Variants in TEX14 observed in about 807,000 individuals in gnomAD.
TEX14 encodes inactive serine/threonine-protein kinase TEX14.
A neutral mutation model predicts 178.6 loss-of-function variants in TEX14; 168 were observed. That is an observed-to-expected ratio of 0.94 (90% CI 0.83 to 1.07). The LOEUF (loss-of-function observed/expected upper bound fraction) is 1.07. TEX14 is among the 50% of genes least tolerant of loss of function. The pLI, the probability that TEX14 is intolerant of heterozygous loss-of-function variation, is 0.00. For synonymous variants in TEX14, 626 were observed against 634.1 expected (o/e 0.99, Z 0.19); for missense variants, 1,730 against 1,753.6 (o/e 0.99, Z 0.24).
At chr17:58,599,753 T>A (rs2045383048) in intron 13 of TEX14, 87 bp from the exon 14 acceptor site, 5 of 1,047,958 alleles carry the variant, frequency 4.8e-6, no homozygotes, top group African/African-American at 1.6e-5. Flanking sequence ...AGGCAAAGAC[T>A]GTCAAAAAAA....
chr17:58,563,624 TATATATATATATATA>T (rs2044317875), intron 28 of TEX14, among the ~76,000 whole-genome samples: 1 of 3,206 alleles, frequency 3.1e-4, no homozygotes, highest in African/African-American at 1.6e-3. Flanking sequence ...CTCTAATTTA[TATATATATATATATA>T]TATATATATA....
At chr17:58,649,246 A>G (rs2046789370) in intron 2 of TEX14, among the ~76,000 whole-genome samples, 1 of 151,334 alleles carries the variant, frequency 6.6e-6, no homozygotes, top group Non-Finnish European at 1.5e-5. Flanking sequence ...CGCCCAGCTA[A>G]TTTTTATATT....
Position 58,561,537 on chromosome 17 carries a change from A to G in TEX14, c.4140T>C (p.Leu1380=). 1.2e-6 allele frequency: 2 copies of G among 1,613,146 alleles called. No individual in the cohort carries two copies. Among genetic ancestry groups the G allele is most frequent in the Non-Finnish European group, 1.7e-6 (2 of 1,179,100 alleles). Residue 1380 remains leucine (L), a synonymous_variant, in exon 29 of 32, where the codon CTT becomes CTC. Transcript: ENST00000349033. ...ACAATAACCTTTCAGAGCCCTTGGGAAGGTCTTGTAGCTCCACGCTCTCCT... is the reference window on the plus strand; with the variant it reads ...ACAATAACCTTTCAGAGCCCTTGGGGAGGTCTTGTAGCTCCACGCTCTCCT... ...PPEESVELQD[L]PKGSERETNI...
At chr17:58,592,931 T>C (rs1199175194) in intron 15 of TEX14, among the ~76,000 whole-genome samples, 1 of 152,176 alleles carries the variant, frequency 6.6e-6, no homozygotes, top group African/African-American at 2.4e-5. Flanking sequence ...TATGTGTATA[T>C]GCATATATAT....
intron 30 of TEX14, 66 bp downstream of exon 30, chr17:58,559,387 A>G: frequency 1.4e-6 from 1 of 696,514 alleles, no homozygotes; most frequent in Non-Finnish European, 2.5e-6. Flanking sequence ...ACATTTCTAA[A>G]TAACTTTGAA....
chr17:58,607,140 G>A (rs1000467875), intron 10 of TEX14, among the ~76,000 whole-genome samples: 2 of 152,020 alleles, frequency 1.3e-5, no homozygotes, highest in Admixed American at 6.6e-5. Context: ...CCCTAGTAGA[G>A]TGTTACCAAA....
At chr17:58,678,010 C>A (rs2047422790) in intron 1 of TEX14, among the ~76,000 whole-genome samples, 1 of 152,150 alleles carries the variant, frequency 6.6e-6, no homozygotes, top group South Asian at 2.1e-4. Flanking sequence ...ATTAGCCTGG[C>A]ATGGTGGCGG....
chr17:58,621,180 AG>A (rs1295672724), intron 5 of TEX14, among the ~76,000 whole-genome samples: 1 of 152,192 alleles, frequency 6.6e-6, no homozygotes, highest in Non-Finnish European at 1.5e-5. Context: ...ATGGGAGAAG[AG>A]GGGGCTGCCC....
At chr17:58,571,074 G>A (rs1414980009) in intron 24 of TEX14, among the ~76,000 whole-genome samples, 3 of 152,040 alleles carry the variant, frequency 2.0e-5, no homozygotes, top group African/African-American at 7.2e-5. Context: ...CTTGAAGAGG[G>A]CCTGACATGG....
At chr17:58,686,683 C>G (rs1161114203) in intron 1 of TEX14, among the ~76,000 whole-genome samples, 1 of 151,964 alleles carries the variant, frequency 6.6e-6, no homozygotes, top group Non-Finnish European at 1.5e-5. Context: ...TATTGGGCTT[C>G]TATTATGTAT....
At chr17:58,587,208 T>G (rs1006906510) in intron 17 of TEX14, among the ~76,000 whole-genome samples, 4 of 152,166 alleles carry the variant, frequency 2.6e-5, no homozygotes, top group African/African-American at 9.7e-5. Context: ...CATGGTAAAA[T>G]TGGTTTTGTT....
chr17:58,575,178 G>A (rs577010179), intron 21 of TEX14, among the ~76,000 whole-genome samples: 3 of 149,236 alleles, frequency 2.0e-5, no homozygotes, highest in Middle Eastern at 3.5e-3. Flanking sequence ...GCAATGGCGC[G>A]ATCTCAGCTC....
intron 19 of TEX14, among the ~76,000 whole-genome samples, chr17:58,583,966 C>G (rs1037617873): frequency 2.6e-5 from 4 of 152,108 alleles, no homozygotes; most frequent in Non-Finnish European, 5.9e-5. Flanking sequence ...GTTTCTTAGT[C>G]TGGCTGCGCT....
chr17:58,626,783 A>C (rs1407340759), intron 3 of TEX14, among the ~76,000 whole-genome samples: 2 of 152,062 alleles, frequency 1.3e-5, no homozygotes, highest in Admixed American at 6.5e-5. Flanking sequence ...AGGCAGGAGA[A>C]TCGCTTGAAC....
intron 13 of TEX14, among the ~76,000 whole-genome samples, chr17:58,600,038 G>A (rs2045392137): frequency 6.6e-6 from 1 of 152,080 alleles, no homozygotes; most frequent in South Asian, 2.1e-4. Context: ...TTGCTGTGTT[G>A]CCCAGGTTGC....
intron 11 of TEX14, among the ~76,000 whole-genome samples, chr17:58,604,269 G>A (rs1359738179): frequency 6.6e-6 from 1 of 151,300 alleles, no homozygotes; most frequent in Non-Finnish European, 1.5e-5. Flanking sequence ...TCAAGCGATC[G>A]AGACCAGCCT....
chr17:58,600,880 A>T (rs981023788), intron 13 of TEX14, among the ~76,000 whole-genome samples: 4 of 152,268 alleles, frequency 2.6e-5, no homozygotes, highest in Middle Eastern at 3.4e-3. Context: ...CTCATCTGTA[A>T]TATGAAGGCA....
intron 2 of TEX14, among the ~76,000 whole-genome samples, chr17:58,644,232 A>G (rs542971866): frequency 2.8e-4 from 42 of 152,354 alleles, no homozygotes; most frequent in African/African-American, 1.0e-3. Flanking sequence ...GGGATGGTGA[A>G]CACACTGAAG....
chr17:58,592,337 CT>C (rs750203217), intron 15 of TEX14, among the ~76,000 whole-genome samples: 365 of 136,948 alleles, frequency 2.7e-3, no homozygotes, highest in Middle Eastern at 3.7e-3. Context: ...TCGAGTGATT[CT>C]TTTTTTTTTT....
Sources: gnomAD v4.1 joint callset for allele counts (sites outside exome capture counted in the v4.1 genomes callset) on GRCh38, gnomAD v4.1.1 for gene constraint, MANE v1.5 for transcripts, NCBI Gene and HGNC (gene_info 2026-07-23, HGNC 2026-07-21) for gene names.